Variants in MCF2L observed in about 807,000 individuals in gnomAD.
MCF2L encodes guanine nucleotide exchange factor DBS.
A neutral mutation model predicts 153.4 loss-of-function variants in MCF2L; 97 were observed. That is an observed-to-expected ratio of 0.63 (90% CI 0.54 to 0.75). The LOEUF (loss-of-function observed/expected upper bound fraction) is 0.75. Among genes scored for constraint, MCF2L ranks in the 30% least tolerant of loss-of-function variants. The pLI, the probability that MCF2L is intolerant of heterozygous loss-of-function variation, is 0.00. For missense variants in MCF2L, 1,347 were observed against 1,495.2 expected, an observed-to-expected ratio of 0.90 and a Z score of 1.64; for synonymous variants, 659 against 632.2, an observed-to-expected ratio of 1.04 and a Z score of -0.64.
intron 1 of MCF2L, among the ~76,000 whole-genome samples, chr13:113,000,949 C>T (rs1368100060): frequency 2.6e-5 from 4 of 152,108 alleles, no homozygotes; most frequent in Non-Finnish European, 5.9e-5. Context: ...TTGACTCCAG[C>T]ACTGGGTGTG....
chr13:113,024,841 T>C, intron 3 of MCF2L, 83 bp downstream of exon 3: 3 of 1,085,180 alleles, frequency 2.8e-6, no homozygotes, highest in Non-Finnish European at 4.2e-6. Context: ...TCCCTGCAAC[T>C]ATGGGATGAG....
chr13:113,043,619 A>G (rs1313334405), intron 3 of MCF2L: 1 of 152,272 alleles, frequency 6.6e-6, no homozygotes, highest in Non-Finnish European at 1.5e-5. Context: ...GATTCCCTGT[A>G]CCCACTGTGT....
chr13:112,937,250 T>C (rs2081524382), intron 2 of MCF2L, among the ~76,000 whole-genome samples: 1 of 152,130 alleles, frequency 6.6e-6, no homozygotes, highest in Admixed American at 6.6e-5. Flanking sequence ...AGATGGGTTT[T>C]CACCATATTG....
At chr13:113,006,341 A>G (rs1438258456) in intron 1 of MCF2L, among the ~76,000 whole-genome samples, 2 of 152,170 alleles carry the variant, frequency 1.3e-5, no homozygotes, top group African/African-American at 4.8e-5. Flanking sequence ...AACAAGGATG[A>G]TGAGGCTTCA....
intron 1 of MCF2L, among the ~76,000 whole-genome samples, chr13:112,987,184 T>C (rs1449475523): frequency 1.3e-5 from 2 of 152,290 alleles, no homozygotes; most frequent in East Asian, 3.9e-4. Context: ...CCGCAGGGTC[T>C]CTGCAGCTTG....
chr13:113,090,151 G>C (rs1319305105), intron 26 of MCF2L: 1 of 1,537,488 alleles, frequency 6.5e-7, no homozygotes, highest in South Asian at 1.2e-5. Context: ...TAACCTCAAA[G>C]GTCAGAAAGG....
At position 113,038,225 on chromosome 13, in the gene MCF2L, G is replaced by T. The variant is rs534605436; in HGVS notation, c.279-7046G>T. The stretch of plus-strand genomic sequence containing the variant: ...TCATGCCTATAATCCCAGCACTTTG[G>T]GAGGCCGAGGTGGGTGGATCACGAG... On this transcript the variant is annotated intron_variant, in intron 3 of 29. Coordinates refer to ENST00000535094, the MANE Select transcript of MCF2L (RefSeq NM_001112732.3). Among the ~76,000 whole-genome samples the T allele has an allele frequency of 4.6e-5, 7 of 152,268 alleles. No individual in the cohort carries two copies. In the East Asian group the frequency reaches 1.4e-3, roughly 29 times the overall value.
intron 1 of MCF2L, among the ~76,000 whole-genome samples, chr13:112,977,473 T>G (rs1362408096): frequency 6.6e-6 from 1 of 152,204 alleles, no homozygotes; most frequent in Non-Finnish European, 1.5e-5. Context: ...ATGAGCTACA[T>G]ATAAGAAGAA....
intron 2 of MCF2L, among the ~76,000 whole-genome samples, chr13:112,926,885 G>C (rs1050501915): frequency 2.0e-4 from 31 of 152,200 alleles, no homozygotes; most frequent in African/African-American, 7.2e-4. Context: ...AAATTGCTAA[G>C]AGTAGATTTA....
chr13:113,047,733 C>T (rs1353772546), intron 4 of MCF2L, among the ~76,000 whole-genome samples: 1 of 152,246 alleles, frequency 6.6e-6, no homozygotes, highest in East Asian at 1.9e-4. Flanking sequence ...TGCCACAGCC[C>T]GTCCCTCACA....
intron 1 of MCF2L, among the ~76,000 whole-genome samples, chr13:113,013,953 A>G (rs1287343058): frequency 1.3e-5 from 2 of 149,298 alleles, no homozygotes; most frequent in East Asian, 1.9e-4. Flanking sequence ...TGCTGACCCC[A>G]TGCTCCGAGC....
Position 113,088,307 on chromosome 13 carries a change from C to A in MCF2L, c.2689-20C>A, listed in dbSNP as rs1404984614. 5 of 1,606,836 alleles carry A rather than the reference C, an allele frequency of 3.1e-6. No homozygotes were observed. Among genetic ancestry groups the A allele is most frequent in the Non-Finnish European group, 2.6e-6 (3 of 1,173,714 alleles). ...GGGGGCCTGAGTACTCACCTCCTGG[C>A]GTTTCTTTTGGGGAAACAGGCGCCA... On this transcript the variant is annotated intron_variant, in intron 23 of 29. Transcript: ENST00000535094.
intron 1 of MCF2L, among the ~76,000 whole-genome samples, chr13:112,977,943 G>C (rs778169195): frequency 2.1e-4 from 32 of 152,144 alleles, no homozygotes; most frequent in Non-Finnish European, 4.6e-4. Flanking sequence ...GTGTGGTGGC[G>C]GGGGTCTGTA....
Position 113,097,285 on chromosome 13 carries a change from T to C in MCF2L, c.*426T>C. ...TTAGCTTTTACAAGTTTTAGGATTT[T>C]TTCAAGCAGGGATCAATCCCGTGGC... is the stretch of plus-strand genomic sequence containing the variant. On this transcript the variant is annotated 3_prime_UTR_variant, in exon 30 of 30. Coordinates refer to ENST00000535094, the MANE Select transcript of MCF2L (RefSeq NM_001112732.3). The C allele has an allele frequency of 5.9e-6, 1 of 169,014 alleles. No homozygotes were observed. The highest frequency in any genetic ancestry group is 1.3e-5 in the Non-Finnish European group (1 of 79,546). The allele number at this position is 169,014 out of a possible 1,614,324, so 10.5% of individuals were successfully genotyped here.
intron 1 of MCF2L, among the ~76,000 whole-genome samples, chr13:112,976,071 C>T (rs56059554): frequency 0.27 from 40,727 of 151,904 alleles, 6,358 homozygotes; most frequent in Non-Finnish European, 0.35. Context: ...ACAACAGATC[C>T]GATTGTTCCT....
intron 4 of MCF2L, among the ~76,000 whole-genome samples, chr13:113,058,179 T>C (rs1397015633): frequency 6.7e-6 from 1 of 149,026 alleles, no homozygotes; most frequent in African/African-American, 2.5e-5. Context: ...AGGCACTGAG[T>C]GGGCACTATG....
intron 8 of MCF2L, 97 bp downstream of exon 8, chr13:113,066,267 T>C: frequency 7.1e-7 from 1 of 1,404,902 alleles, no homozygotes; most frequent in South Asian, 1.5e-5. Flanking sequence ...GCCACGGAAA[T>C]AGCAAGCAGC....
intron 3 of MCF2L, among the ~76,000 whole-genome samples, chr13:113,030,414 C>T (rs1463816111): frequency 5.4e-5 from 8 of 148,052 alleles, no homozygotes; most frequent in Non-Finnish European, 8.9e-5. Flanking sequence ...TGTGGGCCCT[C>T]GGGTGTCCGC....
At chr13:112,954,778 C>G (rs1232746411) in intron 2 of MCF2L, among the ~76,000 whole-genome samples, 1 of 152,266 alleles carries the variant, frequency 6.6e-6, no homozygotes, top group South Asian at 2.1e-4. Context: ...AGCAGGTGCT[C>G]CTAGTCGCTG....
Sources: allele counts gnomAD v4.1 joint callset (sites outside exome capture counted in the v4.1 genomes callset), GRCh38; gene constraint gnomAD v4.1.1; transcripts MANE v1.5; gene names NCBI Gene and HGNC (gene_info 2026-07-23, HGNC 2026-07-21).